EBF3: variants seen among roughly 807,000 people sequenced by gnomAD.
The protein encoded by EBF3 is EBF transcription factor 3.
Under a neutral mutation model 77.1 loss-of-function variants are expected in EBF3, and 18 were observed. The ratio of observed to expected loss-of-function variants is 0.23; its 90% confidence interval spans 0.16 to 0.35. The LOEUF is 0.35. Ranked by LOEUF, EBF3 falls within the 10% of genes least tolerant of loss-of-function variation. EBF3 has a pLI of 1.00. For synonymous variants in EBF3, 350 were observed against 343.5 expected, an observed-to-expected ratio of 1.02 and a Z score of -0.21; for missense variants, 558 against 860.0, an observed-to-expected ratio of 0.65 and a Z score of 4.39.
At chr10:129,958,597 G>C (rs919753536) in intron 5 of EBF3, among the ~76,000 whole-genome samples, 1 of 152,232 alleles carries the variant, frequency 6.6e-6, no homozygotes, top group African/African-American at 2.4e-5. Context: ...GAGCGCCTGA[G>C]AAGGAAGTAG....
At chr10:129,910,250 G>C (rs907979487) in intron 6 of EBF3, among the ~76,000 whole-genome samples, 8 of 152,246 alleles carry the variant, frequency 5.3e-5, no homozygotes, top group Non-Finnish European at 7.3e-5. Context: ...TGTAAGCACA[G>C]ACTGTACACA....
Position 129,952,808 on chromosome 10 carries a change from G to A in EBF3, c.554+4450C>T, listed in dbSNP as rs1355885759. Among the ~76,000 whole-genome samples, 1 of 152,134 alleles carries A rather than the reference G, an allele frequency of 6.6e-6. No individual in the cohort carries two copies. Among genetic ancestry groups the A allele is most frequent in the African/African-American group, 2.4e-5 (1 of 41,422 alleles). Reference sequence around the variant, plus strand: ...AAATATAGCTAATAAAAAATATAATGAGTGTTCAGCAAAATCGGCATTAGG... The same window carrying A: ...AAATATAGCTAATAAAAAATATAATAAGTGTTCAGCAAAATCGGCATTAGG... On this transcript the variant is annotated intron_variant, in intron 6 of 16. Transcript: ENST00000440978. This position sits in a 1 kb window ranked among gnomAD's most constrained non-coding sequence, Gnocchi z 4.7.
rs1248801585 is a variant in EBF3, at chr10:129,842,085, G to T, written c.1372+31C>A. ...TCAACCAACCCTCGGAGGGCGTTCA[G>T]GGCAGGGGTCCTCCCAGCATGCTGG... On this transcript the variant is annotated intron_variant, in intron 13 of 16. Transcript: ENST00000440978. The surrounding 1 kb of genome is among the most constrained non-coding windows in gnomAD (Gnocchi z 4.4). The T allele has an allele frequency of 6.2e-7, 1 of 1,613,934 alleles. No individual in the cohort carries two copies. Among genetic ancestry groups the T allele is most frequent in the Non-Finnish European group, 8.5e-7 (1 of 1,179,898 alleles).
rs961987369 is a variant in EBF3 at position 129,897,019 on chromosome 10, C to G, written c.555-19170G>C. Among the ~76,000 whole-genome samples, 1 of 152,216 alleles carries G rather than the reference C, an allele frequency of 6.6e-6. No homozygotes were observed. Among genetic ancestry groups the G allele is most frequent in the Admixed American group, 6.5e-5 (1 of 15,280 alleles). On this transcript the variant is annotated intron_variant, in intron 6 of 16. Transcript: ENST00000440978. The surrounding 1 kb of genome is among the most constrained non-coding windows in gnomAD (Gnocchi z 4.6). ...TCCATCAATCTGACTAATCAAGCAT[C>G]GAGGACAGGCACCGCCAGCCTGATT...
chr10:129,950,273 C>T (rs1858576974), intron 6 of EBF3, among the ~76,000 whole-genome samples: 1 of 152,224 alleles, frequency 6.6e-6, no homozygotes, highest in African/African-American at 2.4e-5. Context: ...CTGCTGCCCC[C>T]ACCACCGTTT....
intron 6 of EBF3, among the ~76,000 whole-genome samples, chr10:129,881,609 G>A (rs1853218280): frequency 6.6e-6 from 1 of 152,162 alleles, no homozygotes; most frequent in Admixed American, 6.5e-5. Flanking sequence ...CCTCTTTCGC[G>A]GTGCACAGGG....
rs575600306 is a variant in EBF3 at position 129,893,016 on chromosome 10, C to T, written c.555-15167G>A. On this transcript the variant is annotated intron_variant, in intron 6 of 16. Coordinates refer to ENST00000440978, the MANE Select transcript of EBF3 (RefSeq NM_001375380.1). ...GGAACAGGCTCCTGCCTGAATCAAT[C>T]GTGAGAGCAGGGCGCTGGGCCCTCC... Among the ~76,000 whole-genome samples, 3 of 152,360 alleles carry T rather than the reference C, an allele frequency of 2.0e-5. No homozygotes were observed. The East Asian group carries it at 5.8e-4, about 29-fold the overall frequency.
intron 4 of EBF3, among the ~76,000 whole-genome samples, chr10:129,960,696 G>T: frequency 7.1e-6 from 1 of 141,684 alleles, no homozygotes. Context: ...TTTATTTTCA[G>T]CCCTGTTTAT....
At chr10:129,929,583 T>C (rs1253387653) in intron 6 of EBF3, among the ~76,000 whole-genome samples, 2 of 152,314 alleles carry the variant, frequency 1.3e-5, no homozygotes, top group East Asian at 1.9e-4. Context: ...GGAAATAGAA[T>C]TTGGAGCAAG....
At chr10:129,858,674 A>G (rs1435826754) in intron 10 of EBF3, among the ~76,000 whole-genome samples, 1 of 152,144 alleles carries the variant, frequency 6.6e-6, no homozygotes, top group Non-Finnish European at 1.5e-5. Context: ...AAGATGGAGA[A>G]AAACCTCGCA....
Position 129,867,881 on chromosome 10 carries a change from A to G in EBF3, c.813T>C (p.Ser271=), listed in dbSNP as rs759706208. 3 of 1,614,188 alleles carry G rather than the reference A, an allele frequency of 1.9e-6. No individual in the cohort carries two copies. The highest frequency in any genetic ancestry group is 2.2e-5 in the South Asian group (2 of 91,078). Residue 271 remains serine (S), a synonymous_variant, in exon 9 of 17, where the codon AGT becomes AGC. Coordinates refer to ENST00000440978, the MANE Select transcript of EBF3 (RefSeq NM_001375380.1). ...ATPCIKAISP[S]EGWTTGGATV... ...TGGCACCCCCCGTGGTCCAGCCTTC[A>G]CTGGGACTGATGGCCTTGATGCACG... is the stretch of plus-strand genomic sequence containing the variant.
intron 6 of EBF3, among the ~76,000 whole-genome samples, chr10:129,920,969 G>A (rs1856256323): frequency 6.6e-6 from 1 of 152,134 alleles, no homozygotes; most frequent in South Asian, 2.1e-4. Context: ...AGGCTGTTGT[G>A]AGCCTGAGGT....
At chr10:129,902,753 C>T (rs766221932) in intron 6 of EBF3, among the ~76,000 whole-genome samples, 2 of 152,136 alleles carry the variant, frequency 1.3e-5, no homozygotes, top group African/African-American at 2.4e-5. Flanking sequence ...ACCCGAGACC[C>T]GGGGTCAGTA....
Position 129,870,422 on chromosome 10 carries a change from C to T in EBF3, c.782-2510G>A, listed in dbSNP as rs545966429. ...GCCCCCACACTCCCCATCTCTTTCCCGGCCTGGCCCTGTGATGGGAGGCAT... is the reference window on the plus strand; with the variant it reads ...GCCCCCACACTCCCCATCTCTTTCCTGGCCTGGCCCTGTGATGGGAGGCAT... On this transcript the variant is annotated intron_variant, in intron 8 of 16. Coordinates refer to ENST00000440978, the MANE Select transcript of EBF3 (RefSeq NM_001375380.1). The surrounding 1 kb of genome is among the most constrained non-coding windows in gnomAD (Gnocchi z 4.4). Among the ~76,000 whole-genome samples, 8 of 152,086 alleles carry T rather than the reference C, an allele frequency of 5.3e-5. No homozygotes were observed. The East Asian group carries it at 7.8e-4, about 15-fold the overall frequency.
intron 6 of EBF3, among the ~76,000 whole-genome samples, chr10:129,954,984 T>G (rs1858933924): frequency 6.6e-6 from 1 of 152,166 alleles, no homozygotes; most frequent in Non-Finnish European, 1.5e-5. Flanking sequence ...ACGGTGTCAG[T>G]CTAAAGAGAT....
At chr10:129,860,078 G>A (rs74160298) in intron 10 of EBF3, among the ~76,000 whole-genome samples, 8,686 of 152,090 alleles carry the variant, frequency 0.057, 840 homozygotes, top group African/African-American at 0.2. Context: ...TATTATCCCC[G>A]CTTTATTCTG....
chr10:129,895,310 C>T (rs960204135), intron 6 of EBF3, among the ~76,000 whole-genome samples: 1 of 152,236 alleles, frequency 6.6e-6, no homozygotes, highest in Admixed American at 6.5e-5. Flanking sequence ...GCCTCTCCCC[C>T]AGCCAGGCTC....
In EBF3 at chr10:129,879,578, T is replaced by C. The variant is rs536452017; in HGVS notation, c.555-1729A>G. 2.0e-5 allele frequency among the ~76,000 whole-genome samples: 3 copies of C among 151,946 alleles called. No individual in the cohort carries two copies. Among genetic ancestry groups the C allele is most frequent in the Non-Finnish European group, 4.4e-5 (3 of 67,914 alleles). ...GGCCACTTAATTAAATTTTCCTGCA[T>C]ACCATGAGGCCTCACCATTTTAGGC... On this transcript the variant is annotated intron_variant, in intron 6 of 16. Coordinates refer to ENST00000440978, the MANE Select transcript of EBF3 (RefSeq NM_001375380.1). The surrounding 1 kb of genome is among the most constrained non-coding windows in gnomAD (Gnocchi z 4.7).
chr10:129,878,823 C>CAAAAAAAAAAAAAAA, intron 6 of EBF3, among the ~76,000 whole-genome samples: 1 of 58,772 alleles, frequency 1.7e-5, no homozygotes, highest in Non-Finnish European at 3.1e-5. Context: ...AAATCGGTCT[C>CAAAAAAAAAAAAAAA]AAAAAAAAAA....
Sources: allele counts gnomAD v4.1 joint callset (sites outside exome capture counted in the v4.1 genomes callset), GRCh38; gene constraint gnomAD v4.1.1; non-coding constraint Gnocchi (gnomAD v3.1); transcripts MANE v1.5; gene names NCBI Gene and HGNC (gene_info 2026-07-23, HGNC 2026-07-21).